Variants in COL14A1 observed in about 807,000 individuals in gnomAD.
COL14A1 encodes collagen type XIV alpha 1 chain, also known as collagen alpha-1(XIV) chain.
Under a neutral mutation model 230.3 loss-of-function variants are expected in COL14A1, and 136 were observed. That is an observed-to-expected ratio of 0.59 (90% confidence interval 0.51 to 0.68). The LOEUF is 0.68. Ranked by LOEUF, COL14A1 falls within the 30% of genes least tolerant of loss-of-function variation. COL14A1 has a pLI of 0.00. For missense variants in COL14A1, 1,976 were observed against 2,215.8 expected (o/e 0.89, Z 2.17); for synonymous variants, 792 against 784.1 (o/e 1.01, Z -0.17).
chr8:120,337,400 TTAA>T (rs1822117313), intron 42 of COL14A1, among the ~76,000 whole-genome samples: 2 of 29,526 alleles, frequency 6.8e-5, no homozygotes, highest in African/African-American at 1.4e-4. Flanking sequence ...TGTCTCAAAA[TTAA>T]AAAAAAAAAA....
intron 5 of COL14A1, among the ~76,000 whole-genome samples, chr8:120,188,188 T>C (rs1816703802): frequency 6.6e-6 from 1 of 151,818 alleles, no homozygotes; most frequent in South Asian, 2.1e-4. Context: ...GTTCAAGCAA[T>C]TCTCCTGCCT....
At chr8:120,330,563 T>C (rs1025932828) in intron 40 of COL14A1, among the ~76,000 whole-genome samples, 1 of 152,120 alleles carries the variant, frequency 6.6e-6, no homozygotes, top group African/African-American at 2.4e-5. Context: ...GAGAACATCA[T>C]GGGAAAGACC....
Position 120,203,890 on chromosome 8 carries a change from AG to A in COL14A1, c.1039+21del. ...TTAAAGGTAAAATGAGTGACAGAGC[AG>A]TCCTGTGGATGTCAGTATTATGGTG... On this transcript the variant is annotated intron_variant, in intron 9 of 47. Coordinates refer to ENST00000297848, the MANE Select transcript of COL14A1 (RefSeq NM_021110.4). 1 of 1,609,706 alleles carries A rather than the reference AG, an allele frequency of 6.2e-7. No homozygotes were observed. The highest frequency in any genetic ancestry group is 8.5e-7 in the Non-Finnish European group (1 of 1,176,912).
At chr8:120,178,042 T>A (rs1173785615) in intron 5 of COL14A1, among the ~76,000 whole-genome samples, 1 of 152,160 alleles carries the variant, frequency 6.6e-6, no homozygotes, top group Non-Finnish European at 1.5e-5. Flanking sequence ...TTATTTGTTC[T>A]TCAGTTCTCT....
At chr8:120,260,131 G>C (rs777208676) in intron 23 of COL14A1, among the ~76,000 whole-genome samples, 1 of 151,898 alleles carries the variant, frequency 6.6e-6, no homozygotes, top group African/African-American at 2.4e-5. Context: ...CTGTTATAAA[G>C]TTCCCTTCTG....
At chr8:120,298,521 GA>G (rs1307460040) in intron 35 of COL14A1, among the ~76,000 whole-genome samples, 1 of 143,280 alleles carries the variant, frequency 7.0e-6, no homozygotes, top group Non-Finnish European at 1.5e-5. Flanking sequence ...TAAATTGGAA[GA>G]AAAAATGATA....
At chr8:120,249,093 A>T (rs1215942940) in intron 21 of COL14A1, among the ~76,000 whole-genome samples, 3 of 127,900 alleles carry the variant, frequency 2.3e-5, no homozygotes, top group African/African-American at 6.0e-5. Flanking sequence ...CGCCCGGCTA[A>T]TTTTTTTTTT....
At chr8:120,370,471 T>C in intron 47 of COL14A1, 2 of 1,537,716 alleles carry the variant, frequency 1.3e-6, no homozygotes, top group South Asian at 2.5e-5. Flanking sequence ...CCCCTAACAA[T>C]GGACACTCTG....
At chr8:120,263,147 C>A in intron 24 of COL14A1, 133 bp downstream of exon 24, 1 of 973,956 alleles carries the variant, frequency 1.0e-6, no homozygotes, top group Non-Finnish European at 1.4e-6. Context: ...AAGTTTTGTT[C>A]CTCTTACTCA....
intron 1 of COL14A1, among the ~76,000 whole-genome samples, chr8:120,131,034 G>A (rs563597292): frequency 5.3e-5 from 8 of 152,206 alleles, no homozygotes; most frequent in Middle Eastern, 3.4e-3. Context: ...CCATGTTGCC[G>A]CAAAGGACAT....
At chr8:120,137,878 G>T (rs1377095814) in intron 1 of COL14A1, among the ~76,000 whole-genome samples, 1 of 151,864 alleles carries the variant, frequency 6.6e-6, no homozygotes, top group Non-Finnish European at 1.5e-5. Context: ...AAAATGCTGG[G>T]ATTATGGGTG....
At chr8:120,323,339 G>A (rs1362856881) in intron 40 of COL14A1, among the ~76,000 whole-genome samples, 1 of 148,214 alleles carries the variant, frequency 6.7e-6, no homozygotes, top group Non-Finnish European at 1.5e-5. Context: ...TGCATAGTTT[G>A]CAAAAATTGT....
rs62527023 is a variant in COL14A1 at position 120,250,893 on chromosome 8, C to T, written c.2752+127C>T. The stretch of plus-strand genomic sequence containing the variant: ...TGCGATCTGGACTCACTGAAACATC[C>T]GCCTCCAGGGTTCAAGTGATTCTCC... On this transcript the variant is annotated intron_variant, in intron 22 of 47. Coordinates refer to ENST00000297848, the MANE Select transcript of COL14A1 (RefSeq NM_021110.4). The T allele has an allele frequency of 0.16, 160,561 of 1,011,464 alleles. 13,537 individuals are homozygous for T. Among genetic ancestry groups the T allele is most frequent in the Non-Finnish European group, 0.18 (124,873 of 705,756 alleles). The allele number at this position is 1,011,464 out of a possible 1,614,324, so 62.7% of individuals were successfully genotyped here. A position where few individuals can be genotyped will look rare whatever the true frequency, so the allele number is the denominator to read the frequency against.
At chr8:120,289,864 A>G (rs1820319108) in intron 34 of COL14A1, 98 bp downstream of exon 34, 3 of 1,244,072 alleles carry the variant, frequency 2.4e-6, no homozygotes, top group East Asian at 2.4e-5. Context: ...TAACAAAAAG[A>G]TGAATGGATA....
chr8:120,309,922 G>A, intron 36 of COL14A1, 87 bp from the exon 37 acceptor site: 1 of 1,260,638 alleles, frequency 7.9e-7, no homozygotes, highest in Non-Finnish European at 1.2e-6. Flanking sequence ...AAATAATAAT[G>A]AGTTAATTCA....
intron 26 of COL14A1, among the ~76,000 whole-genome samples, chr8:120,273,821 C>T (rs2129847899): frequency 6.7e-6 from 1 of 149,880 alleles, no homozygotes; most frequent in Non-Finnish European, 1.5e-5. Context: ...AAAAAAAAGG[C>T]CCAGGGCCAG....
chr8:120,315,062 A>G (rs1388447204), intron 38 of COL14A1, among the ~76,000 whole-genome samples: 3 of 152,206 alleles, frequency 2.0e-5, no homozygotes, highest in Non-Finnish European at 4.4e-5. Context: ...GGCATAACAT[A>G]TGTGGAAAGT....
chr8:120,329,316 A>G (rs1821791074), intron 40 of COL14A1, among the ~76,000 whole-genome samples: 1 of 152,080 alleles, frequency 6.6e-6, no homozygotes, highest in African/African-American at 2.4e-5. Flanking sequence ...TCCATTTAAC[A>G]TAATTTATTG....
intron 22 of COL14A1, among the ~76,000 whole-genome samples, chr8:120,252,222 CA>C (rs1422381149): frequency 6.6e-6 from 1 of 151,896 alleles, no homozygotes; most frequent in African/African-American, 2.4e-5. Flanking sequence ...CCTTAGGGTA[CA>C]AGGGGTTTTT....
Sources: allele counts gnomAD v4.1 joint callset (sites outside exome capture counted in the v4.1 genomes callset), GRCh38; gene constraint gnomAD v4.1.1; transcripts MANE v1.5; gene names NCBI Gene and HGNC (gene_info 2026-07-23, HGNC 2026-07-21).